Variants in PLA2G6 observed in about 807,000 individuals in gnomAD.
PLA2G6 encodes the protein phospholipase A2 group VI, also known as 85/88 kDa calcium-independent phospholipase A2.
PLA2G6 carries 62 observed loss-of-function variants against 83.8 expected under a neutral mutation model. The ratio of observed to expected loss-of-function variants is 0.74; its 90% CI spans 0.60 to 0.91. The LOEUF (loss-of-function observed/expected upper bound fraction) is 0.91, where lower values mean the gene tolerates loss of function less well. Among genes scored for constraint, PLA2G6 ranks in the 40% least tolerant of loss-of-function variants. The probability of loss-of-function intolerance (pLI) is 0.00; values close to 1 mark genes in which losing one functional copy is unlikely to be tolerated. For synonymous variants in PLA2G6, 417 were observed against 449.8 expected, an observed-to-expected ratio of 0.93 and a Z score of 0.92; for missense variants, 944 against 1,102.0, an observed-to-expected ratio of 0.86 and a Z score of 2.03.
rs1602116807 is a variant in PLA2G6, at chr22:38,128,088, A to C, written c.1348+181T>G. On this transcript the variant is annotated intron_variant, in intron 9 of 16. Coordinates refer to ENST00000332509, the MANE Select transcript of PLA2G6 (RefSeq NM_003560.4). The surrounding 1 kb of genome is among the most constrained non-coding windows in gnomAD (Gnocchi z 4.4). ...GGAGCATGGGACATCAGCCAGGGAC[A>C]CCCTAGGCCTCTGGGATCTGTGGGT... 1.6e-6 allele frequency: 1 copy of C among 625,212 alleles called. No individual in the cohort carries two copies. Among genetic ancestry groups the C allele is most frequent in the Non-Finnish European group, 2.8e-6 (1 of 352,964 alleles). The allele number at this position is 625,212 out of a possible 1,614,324, so 38.7% of individuals were successfully genotyped here.
At position 38,118,959 on chromosome 22, in the gene PLA2G6, A is replaced by G. The variant is rs536478664; in HGVS notation, c.1742+1800T>C. Reference sequence around the variant, plus strand: ...AATTTTTTGTAGAGATGAGGGTCTCACTATGTTGCCCAGGCTGGTCTCGAC... The same window carrying G: ...AATTTTTTGTAGAGATGAGGGTCTCGCTATGTTGCCCAGGCTGGTCTCGAC... On this transcript the variant is annotated intron_variant, in intron 12 of 16. Coordinates refer to ENST00000332509, the MANE Select transcript of PLA2G6 (RefSeq NM_003560.4). Among the ~76,000 whole-genome samples, 396 of 152,048 alleles carry G rather than the reference A, an allele frequency of 2.6e-3. 2 individuals are homozygous for G. The highest frequency in any genetic ancestry group is 8.9e-3 in the African/African-American group (369 of 41,480).
intron 3 of PLA2G6, chr22:38,143,727 T>G (rs1277992732): frequency 6.4e-6 from 2 of 312,286 alleles, no homozygotes; most frequent in African/African-American, 4.3e-5. Flanking sequence ...GAAACTAAAG[T>G]GCAGTGAGGG....
chr22:38,128,050 T>A lies in PLA2G6; in HGVS notation c.1348+219A>T, dbSNP rs1602116655. ...CTGAGACTGTGTGCAGGACACATCCTCTCAGGGGCAACGGAGCATGGGACA... is the reference window on the plus strand; with the variant it reads ...CTGAGACTGTGTGCAGGACACATCCACTCAGGGGCAACGGAGCATGGGACA... On this transcript the variant is annotated intron_variant, in intron 9 of 16. Coordinates refer to ENST00000332509, the MANE Select transcript of PLA2G6 (RefSeq NM_003560.4). The surrounding 1 kb of genome is among the most constrained non-coding windows in gnomAD (Gnocchi z 4.4). The A allele has an allele frequency of 1.7e-6, 1 of 589,504 alleles. No individual in the cohort carries two copies. Among genetic ancestry groups the A allele is most frequent in the African/African-American group, 1.9e-5 (1 of 53,628 alleles). The allele number at this position is 589,504 out of a possible 1,614,324, so 36.5% of individuals were successfully genotyped here. A position where few individuals can be genotyped will look rare whatever the true frequency, so the allele number is the denominator to read the frequency against.
chr22:38,116,534 G>A (rs917089543), intron 12 of PLA2G6: 5 of 458,916 alleles, frequency 1.1e-5, no homozygotes, highest in African/African-American at 2.0e-5. Context: ...AAAGGGGGCC[G>A]CACCAACACA....
chr22:38,130,644 A>C (rs1211336559), intron 7 of PLA2G6: 1 of 150,800 alleles, frequency 6.6e-6, no homozygotes, highest in Non-Finnish European at 1.5e-5. Context: ...TTGGCACTGG[A>C]TGGATGGATG....
At chr22:38,178,631 G>A (rs1029420767) in intron 1 of PLA2G6, among the ~76,000 whole-genome samples, 11 of 152,106 alleles carry the variant, frequency 7.2e-5, no homozygotes, top group Non-Finnish European at 1.0e-4. Flanking sequence ...TTGGGAGGCC[G>A]AGGCGGGTGG....
chr22:38,113,551 T>C lies in PLA2G6; in HGVS notation c.2138A>G (p.Asn713Ser), dbSNP rs777169921. The change falls in exon 15 of 17, where the codon AAC (asparagine) becomes AGC (serine). Residue 713 changes from asparagine (N) to serine (S), a missense_variant. By Grantham distance (46) the Asn-to-Ser change is conservative. Transcript: ENST00000332509. Reference protein sequence around the residue: ...VTCVDVFRPSNPWELAKTVFG... With the variant: ...VTCVDVFRPSSPWELAKTVFG... The stretch of plus-strand genomic sequence containing the variant: ...AACAGTCTTGGCCAGCTCCCAGGGG[T>C]TGCTGGGACGGAAGACATCCACACA... The C allele has an allele frequency of 7.4e-6, 12 of 1,613,694 alleles. No homozygotes were observed. The highest frequency in any genetic ancestry group is 3.3e-4 in the Middle Eastern group (2 of 6,062).
intron 1 of PLA2G6, among the ~76,000 whole-genome samples, chr22:38,172,688 A>G (rs133008): frequency 0.11 from 16,636 of 152,268 alleles, 1,062 homozygotes; most frequent in African/African-American, 0.16. Context: ...GGACGGGCCC[A>G]CAGGGACGCG....
In PLA2G6 at chr22:38,123,138, C is replaced by T. The variant is rs1031583350; in HGVS notation, c.1548G>A (p.Ala516=). ...VATKDLFDWV[A]GTSTGGILAL... The stretch of plus-strand genomic sequence containing the variant: ...CCAGGATGCCTCCAGTGCTGGTGCC[C>T]GCCACCCAGTCAAACAGGTCCTTGG... Residue 516 remains alanine (A), a synonymous_variant, in exon 11 of 17, where the codon GCG becomes GCA. Coordinates refer to ENST00000332509, the MANE Select transcript of PLA2G6 (RefSeq NM_003560.4). This position sits in a 1 kb window ranked among gnomAD's most constrained non-coding sequence, Gnocchi z 4.1. 3.4e-5 allele frequency: 52 copies of T among 1,549,888 alleles called. No homozygotes were observed. The Middle Eastern group carries it at 6.5e-4, about 19-fold the overall frequency.
Position 38,143,029 on chromosome 22 carries a change from G to A in PLA2G6, c.609+76C>T, listed in dbSNP as rs2089012246. 4.6e-5 allele frequency: 63 copies of A among 1,381,208 alleles called. No homozygotes were observed. In the Middle Eastern group the frequency reaches 7.0e-4, roughly 15 times the overall value. The allele number at this position is 1,381,208 out of a possible 1,614,324, so 85.6% of individuals were successfully genotyped here. A position where few individuals can be genotyped will look rare whatever the true frequency, so the allele number is the denominator to read the frequency against. On this transcript the variant is annotated intron_variant, in intron 4 of 16. Transcript: ENST00000332509. ...AGTGAGAGGCCTGAGAGTGACACCT[G>A]AGCCTAGGGGCCCAAAGGGAACCGT...
chr22:38,173,106 A>G (rs768390447), intron 1 of PLA2G6, among the ~76,000 whole-genome samples: 3 of 152,224 alleles, frequency 2.0e-5, no homozygotes, highest in Non-Finnish European at 4.4e-5. Flanking sequence ...GCGGGCCAGC[A>G]GGGAGAAAGT....
At chr22:38,113,725 G>A (rs1349170578) in intron 14 of PLA2G6, 71 bp from the exon 15 acceptor site, 10 of 1,440,102 alleles carry the variant, frequency 6.9e-6, no homozygotes, top group Non-Finnish European at 9.7e-6. Flanking sequence ...GGAGCGTCAA[G>A]GGGAGGCCCA....
At position 38,151,060 on chromosome 22, in the gene PLA2G6, G is replaced by T. The variant is rs569408513; in HGVS notation, c.210-5407C>A. Among the ~76,000 whole-genome samples, 104 of 152,292 alleles carry T rather than the reference G, an allele frequency of 6.8e-4. 1 individual carries two copies. The highest frequency in any genetic ancestry group is 2.5e-3 in the African/African-American group (103 of 41,554). Reference sequence around the variant, plus strand: ...TACTCTAGCCTGGGCCACAGAGCAAGACTCTGTCTCTAAATAAATAAATGC... The same window carrying T: ...TACTCTAGCCTGGGCCACAGAGCAATACTCTGTCTCTAAATAAATAAATGC... On this transcript the variant is annotated intron_variant, in intron 2 of 16. Transcript: ENST00000332509.
At chr22:38,137,844 C>CAAAGA (rs1464977671) in intron 5 of PLA2G6, 2 of 152,218 alleles carry the variant, frequency 1.3e-5, no homozygotes, top group Non-Finnish European at 1.5e-5. Context: ...AAAAACAAAA[C>CAAAGA]AAAGAAAAGA....
At position 38,132,734 on chromosome 22, in the gene PLA2G6, T is replaced by TAGGAGGGAGACAGTGGGG; in HGVS notation, c.1077+79_1077+96dup. On this transcript the variant is annotated intron_variant, in intron 7 of 16. Coordinates refer to ENST00000332509, the MANE Select transcript of PLA2G6 (RefSeq NM_003560.4). This position sits in a 1 kb window ranked among gnomAD's most constrained non-coding sequence, Gnocchi z 5.0. The stretch of plus-strand genomic sequence containing the variant: ...GAAGATGATTTGGAGCAGCTGACGA[T>TAGGAGGGAGACAGTGGGG]AGGAGGGAGACAGTGGGGAGGAGGG... 9.2e-7 allele frequency: 1 copy of TAGGAGGGAGACAGTGGGG among 1,081,724 alleles called. No individual in the cohort carries two copies. Among genetic ancestry groups the TAGGAGGGAGACAGTGGGG allele is most frequent in the Non-Finnish European group, 1.3e-6 (1 of 744,718 alleles). 67.0% of individuals were successfully genotyped at this position (1,081,724 alleles called of 1,614,324 possible). A position where few individuals can be genotyped will look rare whatever the true frequency, so the allele number is the denominator to read the frequency against.
At position 38,123,459 on chromosome 22, in the gene PLA2G6, G is replaced by A. The variant is rs2087645749; in HGVS notation, c.1428-201C>T. ...CAAATGTCTAGTATTTCAGGGGCTG[G>A]AGAGTGCAACAGAGAAAGGGAAAGG... On this transcript the variant is annotated intron_variant, in intron 10 of 16. Coordinates refer to ENST00000332509, the MANE Select transcript of PLA2G6 (RefSeq NM_003560.4). The surrounding 1 kb of genome is among the most constrained non-coding windows in gnomAD (Gnocchi z 4.1). 6.6e-6 allele frequency among the ~76,000 whole-genome samples: 1 copy of A among 152,156 alleles called. No homozygotes were observed. Among genetic ancestry groups the A allele is most frequent in the African/African-American group, 2.4e-5 (1 of 41,422 alleles).
At chr22:38,168,011 G>C (rs1000560844) in intron 2 of PLA2G6, 2 of 169,502 alleles carry the variant, frequency 1.2e-5, no homozygotes, top group African/African-American at 2.4e-5. Context: ...TGCCACACAG[G>C]CTCCTCCTCA....
At chr22:38,144,681 T>A (rs777492216) in intron 3 of PLA2G6, 1 of 125,108 alleles carries the variant, frequency 8.0e-6, no homozygotes, top group Non-Finnish European at 1.6e-5. Context: ...GATGGCACAT[T>A]ACTGTAATCC....
In PLA2G6 at chr22:38,112,625, C is replaced by A. The variant is rs762507793; in HGVS notation, c.2203-48G>T. The stretch of plus-strand genomic sequence containing the variant: ...AGTGCCGGGCCCACACCCCGCCCGG[C>A]CCGCACCCCGCCCGGCCCTGCCCTG... On this transcript the variant is annotated intron_variant, in intron 15 of 16. Coordinates refer to ENST00000332509, the MANE Select transcript of PLA2G6 (RefSeq NM_003560.4). 230 of 1,474,610 alleles carry A rather than the reference C, an allele frequency of 1.6e-4. 3 individuals carry two copies. In the South Asian group the frequency reaches 2.6e-3, roughly 17 times the overall value. The allele number at this position is 1,474,610 out of a possible 1,614,324, so 91.3% of individuals were successfully genotyped here.
Sources: gnomAD v4.1 joint callset for allele counts (sites outside exome capture counted in the v4.1 genomes callset) on GRCh38, gnomAD v4.1.1 for gene constraint, Gnocchi (gnomAD v3.1) non-coding constraint, MANE v1.5 for transcripts, NCBI Gene and HGNC (gene_info 2026-07-23, HGNC 2026-07-21) for gene names.